The following CDH13 variants were observed in gnomAD, a reference collection of about 807,000 sequenced individuals.
CDH13 encodes cadherin-13.
CDH13 carries 24 observed loss-of-function variants against 63.8 expected under a neutral mutation model. The observed-to-expected ratio is 0.38, with a 90% CI of 0.27 to 0.53. The LOEUF (loss-of-function observed/expected upper bound fraction) is 0.53, where lower values mean the gene tolerates loss of function less well. CDH13 is among the 20% of genes least tolerant of loss of function. CDH13 has a pLI of 0.85. For synonymous variants in CDH13, 503 were observed against 355.3 expected, an observed-to-expected ratio of 1.42 and a Z score of -4.67; for missense variants, 1,049 against 903.1, an observed-to-expected ratio of 1.16 and a Z score of -2.07.
intron 2 of CDH13, among the ~76,000 whole-genome samples, chr16:83,009,557 C>T (rs1429212101): frequency 6.6e-6 from 1 of 152,174 alleles, no homozygotes; most frequent in East Asian, 1.9e-4. Context: ...TGCAAAGTCT[C>T]ATATGGCTGA....
In CDH13 at chr16:83,457,550, G is replaced by A. The variant is rs114867722; in HGVS notation, c.782-28927G>A. 5.0e-3 allele frequency among the ~76,000 whole-genome samples: 762 copies of A among 152,190 alleles called. 7 individuals carry two copies. Among genetic ancestry groups the A allele is most frequent in the African/African-American group, 0.017 (711 of 41,516 alleles). ...TCCTCAATAAATCACAGATGTTGTC[G>A]TTGTCATCATCATCATCTACCTCTA... On this transcript the variant is annotated intron_variant, in intron 6 of 13. Transcript: ENST00000567109.
chr16:82,757,594 C>T (rs1370919105), intron 1 of CDH13, among the ~76,000 whole-genome samples: 2 of 151,758 alleles, frequency 1.3e-5, no homozygotes, highest in Non-Finnish European at 2.9e-5. Flanking sequence ...GCTAGTTTGA[C>T]TACCGCAGCT....
intron 1 of CDH13, among the ~76,000 whole-genome samples, chr16:82,707,926 A>T (rs114452467): frequency 6.6e-6 from 1 of 151,790 alleles, no homozygotes; most frequent in Admixed American, 6.6e-5. Context: ...CCCAAATCCA[A>T]TGGCTTGATA....
intron 1 of CDH13, among the ~76,000 whole-genome samples, chr16:82,721,855 G>C (rs753545881): frequency 1.3e-5 from 2 of 152,156 alleles, no homozygotes; most frequent in Non-Finnish European, 2.9e-5. Flanking sequence ...TCAGGAGGCT[G>C]TAGGTGCAGA....
intron 2 of CDH13, among the ~76,000 whole-genome samples, chr16:82,988,237 C>A (rs1026681313): frequency 6.6e-6 from 1 of 152,072 alleles, no homozygotes; most frequent in Non-Finnish European, 1.5e-5. Context: ...CACGCACACA[C>A]GTGTTCTTTT....
At chr16:83,216,962 C>A (rs13332298) in intron 4 of CDH13, among the ~76,000 whole-genome samples, 2,516 of 152,082 alleles carry the variant, frequency 0.017, 85 homozygotes, top group African/African-American at 0.058. Flanking sequence ...TCAATGCATG[C>A]GCAGCAAATG....
chr16:83,563,183 T>A (rs1249559674), intron 7 of CDH13, among the ~76,000 whole-genome samples: 1 of 152,244 alleles, frequency 6.6e-6, no homozygotes, highest in Non-Finnish European at 1.5e-5. Context: ...AAATGGCATC[T>A]ACCAGCTGCT....
chr16:83,527,660 C>T (rs1025054516), intron 7 of CDH13, among the ~76,000 whole-genome samples: 1 of 152,120 alleles, frequency 6.6e-6, no homozygotes, highest in Non-Finnish European at 1.5e-5. Flanking sequence ...ATGATATATA[C>T]ACCTGACCCA....
intron 4 of CDH13, among the ~76,000 whole-genome samples, chr16:83,194,159 C>T (rs150079441): frequency 3.5e-4 from 53 of 152,300 alleles, no homozygotes; most frequent in Admixed American, 9.2e-4. Context: ...AATAGTGTGA[C>T]CTACAGATAG....
intron 3 of CDH13, among the ~76,000 whole-genome samples, chr16:83,102,907 C>CTTTCTTTTTTTTTTTTCTT (rs1567831524): frequency 1.2e-5 from 1 of 80,658 alleles, no homozygotes; most frequent in African/African-American, 5.0e-5. Context: ...GCTAATTAAA[C>CTTTCTTTTTTTTTTTTCTT]TTTCTTTTTT....
intron 6 of CDH13, among the ~76,000 whole-genome samples, chr16:83,462,122 A>ATGAC (rs1238862902): frequency 2.0e-4 from 31 of 152,360 alleles, no homozygotes; most frequent in South Asian, 2.1e-4. Context: ...GGGGCAGTGC[A>ATGAC]TGACTGACAG....
intron 3 of CDH13, among the ~76,000 whole-genome samples, chr16:83,042,069 C>G (rs990762616): frequency 2.6e-5 from 4 of 152,140 alleles, no homozygotes; most frequent in African/African-American, 9.7e-5. Flanking sequence ...TGTTTGAATC[C>G]TCTGTTTGTT....
At chr16:82,917,946 A>G (rs960348001) in intron 2 of CDH13, among the ~76,000 whole-genome samples, 11 of 151,010 alleles carry the variant, frequency 7.3e-5, no homozygotes, top group Non-Finnish European at 1.3e-4. Flanking sequence ...ATGTAAAGTA[A>G]ATGGATGCAC....
chr16:83,732,109 C>T (rs535598224), intron 10 of CDH13, among the ~76,000 whole-genome samples: 21 of 152,118 alleles, frequency 1.4e-4, no homozygotes, highest in East Asian at 3.9e-4. Flanking sequence ...TAGCAGTGAA[C>T]AAGACAGTGT....
intron 4 of CDH13, among the ~76,000 whole-genome samples, chr16:83,166,495 TA>T (rs1312451960): frequency 6.6e-6 from 1 of 152,110 alleles, no homozygotes; most frequent in African/African-American, 2.4e-5. Context: ...ATCAGATTTT[TA>T]TCGTCTCAGA....
chr16:82,929,933 A>G (rs1360842434), intron 2 of CDH13, among the ~76,000 whole-genome samples: 3 of 151,966 alleles, frequency 2.0e-5, no homozygotes, highest in Admixed American at 6.6e-5. Flanking sequence ...AACAACACTC[A>G]GAGAAACAGA....
intron 1 of CDH13, among the ~76,000 whole-genome samples, chr16:82,717,365 G>A (rs751267446): frequency 6.6e-6 from 1 of 151,198 alleles, no homozygotes; most frequent in African/African-American, 2.4e-5. Context: ...GAAACCAGGA[G>A]GCGGAGGTTG....
chr16:83,533,304 G>A lies in CDH13; in HGVS notation c.960+46649G>A, dbSNP rs142828016. ...GGAAAATCTCAACTCAGCGTGACTCGCAACCTCACCACTGAGCGGAAGATA... is the reference window on the plus strand; with the variant it reads ...GGAAAATCTCAACTCAGCGTGACTCACAACCTCACCACTGAGCGGAAGATA... On this transcript the variant is annotated intron_variant, in intron 7 of 13. Transcript: ENST00000567109. 1.9e-3 allele frequency among the ~76,000 whole-genome samples: 290 copies of A among 152,258 alleles called. 2 individuals carry two copies. The highest frequency in any genetic ancestry group is 6.7e-3 in the African/African-American group (278 of 41,544).
intron 5 of CDH13, among the ~76,000 whole-genome samples, chr16:83,223,875 C>A (rs889732): frequency 1.3e-5 from 2 of 152,182 alleles, no homozygotes; most frequent in Admixed American, 6.5e-5. Flanking sequence ...GAACAGGTGG[C>A]GTTTGGTTGC....
Sources: gnomAD v4.1 joint callset for allele counts (sites outside exome capture counted in the v4.1 genomes callset) on GRCh38, gnomAD v4.1.1 for gene constraint, MANE v1.5 for transcripts, NCBI Gene and HGNC (gene_info 2026-07-23, HGNC 2026-07-21) for gene names.